The following MMP26 variants were observed in gnomAD, a reference collection of about 807,000 sequenced individuals.
The protein encoded by MMP26 is matrix metalloproteinase-26.
A neutral mutation model predicts 31.0 loss-of-function variants in MMP26; 33 were observed. That is an observed-to-expected ratio of 1.06 (90% CI 0.81 to 1.42). The LOEUF (loss-of-function observed/expected upper bound fraction) is 1.42, where lower values mean the gene tolerates loss of function less well. Ranked by LOEUF, MMP26 falls within the 40% of genes most tolerant of loss-of-function variation. The pLI, the probability that MMP26 is intolerant of heterozygous loss-of-function variation, is 0.00. For synonymous variants in MMP26, 122 were observed against 114.9 expected (o/e 1.06, Z -0.40); for missense variants, 347 against 316.1 (o/e 1.10, Z -0.74).
At chr11:4,764,749 T>G (rs1848607734) in intron 1 of MMP26, among the ~76,000 whole-genome samples, 1 of 152,086 alleles carries the variant, frequency 6.6e-6, no homozygotes, top group South Asian at 2.1e-4. Context: ...GGCGGGCGCC[T>G]GTAGTCCCAG....
At chr11:4,974,156 A>T (rs57216582) in intron 2 of MMP26, among the ~76,000 whole-genome samples, 4,907 of 152,152 alleles carry the variant, frequency 0.032, 312 homozygotes, top group African/African-American at 0.11. Flanking sequence ...GTCCTATACA[A>T]GGACTACTGA....
Position 4,990,673 on chromosome 11 carries a change from C to T in MMP26, c.396C>T (p.Ser132=). 6.2e-7 allele frequency: 1 copy of T among 1,614,088 alleles called. No individual in the cohort carries two copies. The highest frequency in any genetic ancestry group is 8.5e-7 in the Non-Finnish European group (1 of 1,179,978). The part of the protein sequence containing the change: ...DSIYNAVSIW[S]NVTPLIFQQV... ...TATATAATGCAGTTTCCATCTGGAG[C>T]AATGTGACCCCTTTGATATTCCAGC... The change falls in exon 5 of 8, where the codon AGC becomes AGT. Residue 132 remains serine, a synonymous_variant. Transcript: ENST00000380390.
intron 2 of MMP26, chr11:4,822,255 G>T: frequency 6.4e-7 from 1 of 1,567,804 alleles, no homozygotes; most frequent in Non-Finnish European, 8.7e-7. Flanking sequence ...ACATCATCAT[G>T]GCCAATGTCT....
chr11:4,859,664 G>T (rs1273178005), intron 2 of MMP26: 2 of 465,446 alleles, frequency 4.3e-6, no homozygotes, highest in African/African-American at 2.0e-5. Context: ...CTTCAAATTT[G>T]CTTGGTCTTC....
chr11:4,952,026 T>C (rs146777824), intron 2 of MMP26, among the ~76,000 whole-genome samples: 2,512 of 123,924 alleles, frequency 0.02, 708 homozygotes, highest in Non-Finnish European at 0.033. Context: ...TTCAAGTCTG[T>C]CTGCTGTTAT....
At chr11:4,885,120 C>CAA (rs779925833) in intron 2 of MMP26, among the ~76,000 whole-genome samples, 2 of 152,044 alleles carry the variant, frequency 1.3e-5, no homozygotes, top group Non-Finnish European at 2.9e-5. Context: ...AAAATTTCAA[C>CAA]AATATACTCC....
At chr11:4,925,734 C>T (rs1452232357) in intron 2 of MMP26, among the ~76,000 whole-genome samples, 1 of 144,740 alleles carries the variant, frequency 6.9e-6, no homozygotes. Context: ...AGTAATAGTA[C>T]ATAATGTCAA....
chr11:4,716,461 T>G (rs982517107), intron 1 of MMP26, among the ~76,000 whole-genome samples: 3 of 152,134 alleles, frequency 2.0e-5, no homozygotes, highest in Non-Finnish European at 4.4e-5. Flanking sequence ...AATCATTTTA[T>G]GAGTTGTTGG....
chr11:4,805,278 AT>A (rs1169361574), intron 2 of MMP26, among the ~76,000 whole-genome samples: 2 of 152,234 alleles, frequency 1.3e-5, no homozygotes, highest in African/African-American at 2.4e-5. Flanking sequence ...CCAATTGTAC[AT>A]TTATAATTTA....
intron 2 of MMP26, chr11:4,914,965 G>A (rs141816603): frequency 5.8e-5 from 93 of 1,613,984 alleles, no homozygotes; most frequent in Non-Finnish European, 6.4e-5. Flanking sequence ...CCCTGGAGGC[G>A]ATGGACAGCA....
chr11:4,974,671 G>T (rs754687130), intron 2 of MMP26, among the ~76,000 whole-genome samples: 2 of 151,872 alleles, frequency 1.3e-5, no homozygotes, highest in East Asian at 3.9e-4. Flanking sequence ...CATAGATTTC[G>T]GAGTGCCTTT....
intron 2 of MMP26, among the ~76,000 whole-genome samples, chr11:4,959,562 G>T (rs3850509): frequency 0.37 from 56,432 of 151,916 alleles, 10,652 homozygotes; most frequent in South Asian, 0.58. Flanking sequence ...TGTTGCACGG[G>T]TCTATTTTCC....
At chr11:4,848,506 C>A (rs1849914918) in intron 2 of MMP26, 1 of 1,613,478 alleles carries the variant, frequency 6.2e-7, no homozygotes, top group Non-Finnish European at 8.5e-7. Context: ...CTGGACTCCA[C>A]ACCTTGCAAC....
At chr11:4,799,598 C>T (rs1394675904) in intron 2 of MMP26, among the ~76,000 whole-genome samples, 2 of 152,126 alleles carry the variant, frequency 1.3e-5, no homozygotes, top group Non-Finnish European at 2.9e-5. Context: ...GTCCTTCTCA[C>T]GTTGCAAAAT....
intron 2 of MMP26, chr11:4,804,065 AG>A: frequency 6.2e-7 from 1 of 1,614,114 alleles, no homozygotes; most frequent in Non-Finnish European, 8.5e-7. Flanking sequence ...GCATGGATGA[AG>A]AACACCTGGA....
At chr11:4,809,183 C>A (rs1403847324) in intron 2 of MMP26, among the ~76,000 whole-genome samples, 1 of 152,082 alleles carries the variant, frequency 6.6e-6, no homozygotes, top group Non-Finnish European at 1.5e-5. Flanking sequence ...AATCTGTTCC[C>A]CTCCACAGGC....
chr11:4,722,470 CTTTTTTTTT>C (rs60627073), intron 1 of MMP26, among the ~76,000 whole-genome samples: 83 of 63,996 alleles, frequency 1.3e-3, no homozygotes, highest in African/African-American at 3.4e-3. Context: ...GAAGTAATTA[CTTTTTTTTT>C]TTTTTTTTTT....
intron 2 of MMP26, chr11:4,860,576 C>G (rs1850140053): frequency 4.5e-6 from 2 of 449,108 alleles, no homozygotes; most frequent in African/African-American, 4.0e-5. Context: ...TTGTTCTCAC[C>G]ATCGGGTGGG....
intron 1 of MMP26, among the ~76,000 whole-genome samples, chr11:4,761,387 T>C (rs1288726452): frequency 2.0e-5 from 3 of 152,194 alleles, no homozygotes; most frequent in Non-Finnish European, 4.4e-5. Context: ...CAGTGGGGTA[T>C]GTGAAGGTGA....
Sources: allele counts gnomAD v4.1 joint callset (sites outside exome capture counted in the v4.1 genomes callset), GRCh38; gene constraint gnomAD v4.1.1; transcripts MANE v1.5; gene names NCBI Gene and HGNC (gene_info 2026-07-23, HGNC 2026-07-21).